The following CTNND2 variants were observed in gnomAD, a reference collection of about 807,000 sequenced individuals.
CTNND2 encodes catenin delta 2.
Under a neutral mutation model 144.4 loss-of-function variants are expected in CTNND2, and 22 were observed. That is an observed-to-expected ratio of 0.15 (90% CI 0.11 to 0.22). The LOEUF is 0.22. Among genes scored for constraint, CTNND2 ranks in the 10% least tolerant of loss-of-function variants. CTNND2 has a pLI of 1.00. For synonymous variants in CTNND2, 751 were observed against 695.6 expected (o/e 1.08, Z -1.25); for missense variants, 1,353 against 1,618.8 (o/e 0.84, Z 2.82).
intron 2 of CTNND2, among the ~76,000 whole-genome samples, chr5:11,728,601 A>G (rs1350665355): frequency 6.6e-6 from 1 of 152,208 alleles, no homozygotes; most frequent in Non-Finnish European, 1.5e-5. Flanking sequence ...AATATCCTAA[A>G]TAATGGTACT....
At chr5:11,034,331 G>A (rs1168805014) in intron 16 of CTNND2, among the ~76,000 whole-genome samples, 1 of 152,162 alleles carries the variant, frequency 6.6e-6, no homozygotes, top group African/African-American at 2.4e-5. Context: ...TGTTCAGCTA[G>A]ATTGAATTGT....
At chr5:11,497,515 G>GGGGGGGGGGGGGGGGGA (rs1770077488) in intron 3 of CTNND2, among the ~76,000 whole-genome samples, 1 of 78,274 alleles carries the variant, frequency 1.3e-5, no homozygotes, top group Non-Finnish European at 2.6e-5. Flanking sequence ...GATGTGCGGG[G>GGGGGGGGGGGGGGGGGA]GGGTGGGGGG....
chr5:11,408,308 C>G (rs1342472462), intron 5 of CTNND2, among the ~76,000 whole-genome samples: 1 of 152,114 alleles, frequency 6.6e-6, no homozygotes, highest in Non-Finnish European at 1.5e-5. Flanking sequence ...CCTCTGAACA[C>G]TTAAAATTCG....
At chr5:11,281,337 A>G (rs149237240) in intron 9 of CTNND2, among the ~76,000 whole-genome samples, 138 of 152,288 alleles carry the variant, frequency 9.1e-4, no homozygotes, top group African/African-American at 3.2e-3. Flanking sequence ...TTTTTCTAAA[A>G]TGTTCCTTTT....
At chr5:11,142,934 T>G (rs997684774) in intron 12 of CTNND2, among the ~76,000 whole-genome samples, 5 of 152,236 alleles carry the variant, frequency 3.3e-5, no homozygotes, top group Non-Finnish European at 7.4e-5. Context: ...GCAACACACT[T>G]AACATCATAC....
intron 13 of CTNND2, among the ~76,000 whole-genome samples, chr5:11,115,266 G>A (rs1019851475): frequency 6.6e-6 from 1 of 152,238 alleles, no homozygotes; most frequent in Non-Finnish European, 1.5e-5. Flanking sequence ...TTTGTGCCAT[G>A]TTGGTTCTTG....
chr5:11,326,695 G>T (rs1048767593), intron 9 of CTNND2, among the ~76,000 whole-genome samples: 2 of 152,260 alleles, frequency 1.3e-5, no homozygotes, highest in East Asian at 3.9e-4. Flanking sequence ...CCAGGTAAGG[G>T]TGCCAAACTG....
chr5:11,552,677 C>T (rs1775867991), intron 3 of CTNND2, among the ~76,000 whole-genome samples: 1 of 152,168 alleles, frequency 6.6e-6, no homozygotes, highest in Admixed American at 6.5e-5. Context: ...GCACTCACTG[C>T]AACACTTTCT....
At chr5:11,156,595 C>A (rs949864504) in intron 12 of CTNND2, among the ~76,000 whole-genome samples, 1 of 151,994 alleles carries the variant, frequency 6.6e-6, no homozygotes, top group Non-Finnish European at 1.5e-5. Context: ...AAGTCATTGG[C>A]AAAAGAAGAA....
At chr5:11,678,291 A>G (rs923579790) in intron 2 of CTNND2, among the ~76,000 whole-genome samples, 2 of 152,200 alleles carry the variant, frequency 1.3e-5, no homozygotes, top group Non-Finnish European at 2.9e-5. Flanking sequence ...GTTGCAGCTT[A>G]ACAAATCCGA....
chr5:11,097,281 G>T (rs1441721708), intron 15 of CTNND2, among the ~76,000 whole-genome samples: 1 of 152,178 alleles, frequency 6.6e-6, no homozygotes, highest in African/African-American at 2.4e-5. Flanking sequence ...TCTCTTTCCT[G>T]CTCCTGTAAG....
At chr5:11,171,414 A>T (rs960656827) in intron 11 of CTNND2, among the ~76,000 whole-genome samples, 3 of 152,222 alleles carry the variant, frequency 2.0e-5, no homozygotes, top group African/African-American at 7.2e-5. Flanking sequence ...AATAATATTA[A>T]CACTCATCTT....
At chr5:11,642,446 A>C (rs79730560) in intron 2 of CTNND2, among the ~76,000 whole-genome samples, 1,593 of 152,306 alleles carry the variant, frequency 0.01, 18 homozygotes, top group East Asian at 0.062. Flanking sequence ...TGCGAAAAGA[A>C]TTGGAGGAGA....
intron 2 of CTNND2, among the ~76,000 whole-genome samples, chr5:11,619,165 T>A (rs539609278): frequency 6.6e-6 from 1 of 152,296 alleles, no homozygotes; most frequent in African/African-American, 2.4e-5. Context: ...CCTAGCACTT[T>A]GGGAGGCCAA....
intron 2 of CTNND2, among the ~76,000 whole-genome samples, chr5:11,606,982 C>T (rs10057316): frequency 0.017 from 2,569 of 152,088 alleles, 86 homozygotes; most frequent in African/African-American, 0.059. Context: ...TAGGATAGGC[C>T]CTAATCCAAT....
At chr5:11,593,904 C>T (rs1779378676) in intron 2 of CTNND2, among the ~76,000 whole-genome samples, 1 of 145,956 alleles carries the variant, frequency 6.9e-6, no homozygotes, top group East Asian at 2.0e-4. Context: ...GATTAAAATT[C>T]AGAGAGACAG....
chr5:11,388,946 G>C (rs573765101), intron 6 of CTNND2, among the ~76,000 whole-genome samples: 2 of 152,284 alleles, frequency 1.3e-5, no homozygotes, highest in South Asian at 2.1e-4. Flanking sequence ...TTAAACTAAA[G>C]ATTACTACAT....
chr5:11,627,517 A>T (rs1172981957), intron 2 of CTNND2, among the ~76,000 whole-genome samples: 4 of 152,188 alleles, frequency 2.6e-5, no homozygotes, highest in African/African-American at 9.6e-5. Flanking sequence ...GCTATGGTTG[A>T]AATCCTGCAG....
intron 1 of CTNND2, among the ~76,000 whole-genome samples, chr5:11,846,775 AC>A: frequency 6.6e-6 from 1 of 152,122 alleles, no homozygotes; most frequent in Non-Finnish European, 1.5e-5. Context: ...TGATTTTAAA[AC>A]GGGCAAAAGA....
Sources: allele counts gnomAD v4.1 joint callset (sites outside exome capture counted in the v4.1 genomes callset), GRCh38; gene constraint gnomAD v4.1.1; transcripts MANE v1.5; gene names NCBI Gene and HGNC (gene_info 2026-07-23, HGNC 2026-07-21).